Variants in ACOT11 observed in about 807,000 individuals in gnomAD.
ACOT11 encodes the protein acyl-coenzyme A thioesterase 11.
Under a neutral mutation model 77.5 loss-of-function variants are expected in ACOT11, and 69 were observed. The ratio of observed to expected loss-of-function variants is 0.89; its 90% confidence interval spans 0.73 to 1.09. ACOT11 has a LOEUF of 1.09. ACOT11 is among the 50% of genes least tolerant of loss of function. The probability of loss-of-function intolerance (pLI) is 0.00; values close to 1 mark genes in which losing one functional copy is unlikely to be tolerated. For synonymous variants in ACOT11, 279 were observed against 313.0 expected (o/e 0.89, Z 1.15); for missense variants, 766 against 813.7 (o/e 0.94, Z 0.71).
In ACOT11 at chr1:54,584,741, A is replaced by T. The variant is rs763124389; in HGVS notation, c.120A>T (p.Gly40=). 6.2e-7 allele frequency: 1 copy of T among 1,614,100 alleles called. No homozygotes were observed. Among genetic ancestry groups the T allele is most frequent in the Admixed American group, 1.7e-5 (1 of 60,014 alleles). ...GNDSAMADGE[G]YRNPTEVQMS... ...ACAGTGCCATGGCAGACGGCGAGGGATACCGGAACCCCACGGAGGTGCAGA... is the reference window on the plus strand; with the variant it reads ...ACAGTGCCATGGCAGACGGCGAGGGTTACCGGAACCCCACGGAGGTGCAGA... The change falls in exon 2 of 16, where the codon GGA becomes GGT. Residue 40 remains glycine, a synonymous_variant. Transcript: ENST00000343744. The surrounding 1 kb of genome is among the most constrained non-coding windows in gnomAD (Gnocchi z 6.3).
chr1:54,615,852 C>T (rs756937449), intron 15 of ACOT11, among the ~76,000 whole-genome samples: 4 of 152,204 alleles, frequency 2.6e-5, no homozygotes, highest in Admixed American at 1.3e-4. Flanking sequence ...CTCCCCATCT[C>T]GCCTAGTCCT....
At position 54,603,941 on chromosome 1, in the gene ACOT11, A is replaced by T. The variant is rs369551136; in HGVS notation, c.1152+4A>T. On this transcript the variant is annotated splice_donor_region_variant and intron_variant, in intron 11 of 15. Coordinates refer to ENST00000343744, the MANE Select transcript of ACOT11 (RefSeq NM_147161.4). Reference sequence around the variant, plus strand: ...CCCCTGGGACCCTAGCAACCAGGTAAGGCTCTCTGCTCCGAGAGGACAGTC... The same window carrying T: ...CCCCTGGGACCCTAGCAACCAGGTATGGCTCTCTGCTCCGAGAGGACAGTC... The T allele has an allele frequency of 1.2e-6, 2 of 1,613,716 alleles. No individual in the cohort carries two copies. The highest frequency in any genetic ancestry group is 2.7e-5 in the African/African-American group (2 of 74,904).
intron 1 of ACOT11, among the ~76,000 whole-genome samples, chr1:54,561,722 G>A (rs1653496623): frequency 2.4e-5 from 3 of 122,792 alleles, no homozygotes; most frequent in Admixed American, 7.3e-5. Context: ...GCGGCTGGCC[G>A]GGCAGGGGGG....
intron 10 of ACOT11, among the ~76,000 whole-genome samples, chr1:54,602,941 A>G (rs990856728): frequency 3.3e-5 from 5 of 152,226 alleles, no homozygotes; most frequent in Admixed American, 1.3e-4. Context: ...TTGCCCAGGG[A>G]CACACAAATA....
chr1:54,554,347 A>ATTTT (rs1298114647), intron 1 of ACOT11, among the ~76,000 whole-genome samples: 4 of 98,412 alleles, frequency 4.1e-5, no homozygotes, highest in Non-Finnish European at 6.6e-5. Context: ...ATATATATAT[A>ATTTT]TATATTTTTT....
intron 1 of ACOT11, among the ~76,000 whole-genome samples, chr1:54,581,443 C>G (rs1472234599): frequency 2.0e-5 from 3 of 152,184 alleles, no homozygotes; most frequent in Non-Finnish European, 4.4e-5. Context: ...GCTTTTCCCT[C>G]TGTGCCTTAG....
chr1:54,568,670 G>A (rs968216400), intron 1 of ACOT11, among the ~76,000 whole-genome samples: 5 of 152,086 alleles, frequency 3.3e-5, no homozygotes, highest in African/African-American at 9.7e-5. Context: ...CTGGCCCCCA[G>A]CACCTTTATC....
At chr1:54,593,203 T>C (rs572265949) in intron 4 of ACOT11, among the ~76,000 whole-genome samples, 1 of 152,308 alleles carries the variant, frequency 6.6e-6, no homozygotes, top group Admixed American at 6.5e-5. Flanking sequence ...CTGGGTGACA[T>C]AGCCCTGACT....
intron 1 of ACOT11, among the ~76,000 whole-genome samples, chr1:54,560,931 C>T (rs1653452871): frequency 2.6e-5 from 4 of 152,060 alleles, no homozygotes; most frequent in Admixed American, 6.6e-5. Context: ...CCATGTTGGC[C>T]AGGCTGGTCT....
exon 17 of ACOT11, chr1:54,636,909 GC>G (rs1221687250): frequency 6.3e-6 from 1 of 158,946 alleles, no homozygotes; most frequent in Non-Finnish European, 1.4e-5. Flanking sequence ...ATCTTGCACA[GC>G]CCTTAATCCA....
Position 54,586,438 on chromosome 1 carries a change from T to C in ACOT11, c.311+534T>C, listed in dbSNP as rs368044596. Among the ~76,000 whole-genome samples the C allele has an allele frequency of 8.5e-3, 1,270 of 149,378 alleles. 16 individuals are homozygous for C. The highest frequency in any genetic ancestry group is 0.03 in the African/African-American group (1,203 of 39,798). On this transcript the variant is annotated intron_variant, in intron 3 of 15. Transcript: ENST00000343744. ...ACTAAAGTAGACTTTTTTTTTTTTT[T>C]CTTTTTTTTTGGAGATGGAGTCTCC...
intron 1 of ACOT11, among the ~76,000 whole-genome samples, chr1:54,569,183 A>G (rs1390079115): frequency 2.0e-5 from 3 of 151,782 alleles, no homozygotes; most frequent in Non-Finnish European, 4.4e-5. Context: ...GTTGGTCTCA[A>G]ACGCCTGGCT....
exon 17 of ACOT11, chr1:54,638,908 A>T (rs1448694490): frequency 1.3e-5 from 2 of 152,160 alleles, no homozygotes; most frequent in Non-Finnish European, 2.9e-5. Flanking sequence ...AGATGTATAC[A>T]GTCTGGATGC....
chr1:54,619,752 A>C, intron 15 of ACOT11: 1 of 1,125,666 alleles, frequency 8.9e-7, no homozygotes, highest in South Asian at 1.4e-5. Context: ...GCTGAAAGAC[A>C]TGTAAACAGC....
Position 54,584,619 on chromosome 1 carries a change from C to T in ACOT11, c.34-36C>T. 6.3e-7 allele frequency: 1 copy of T among 1,594,200 alleles called. No homozygotes were observed. The highest frequency in any genetic ancestry group is 1.1e-5 in the South Asian group (1 of 89,330). The stretch of plus-strand genomic sequence containing the variant: ...CCTGGGAGACCCTGCAGCAAGCAGA[C>T]CTCTCTGTCCCCACCTGTCCCCACC... On this transcript the variant is annotated intron_variant, in intron 1 of 15. Transcript: ENST00000343744. The surrounding 1 kb of genome is among the most constrained non-coding windows in gnomAD (Gnocchi z 6.3).
chr1:54,577,474 TTA>T (rs1654155034), intron 1 of ACOT11, among the ~76,000 whole-genome samples: 1 of 152,208 alleles, frequency 6.6e-6, no homozygotes, highest in African/African-American at 2.4e-5. Context: ...TCATTTATGT[TTA>T]TGTCTGAATA....
chr1:54,597,655 G>A (rs1643905181), intron 7 of ACOT11: 2 of 561,500 alleles, frequency 3.6e-6, no homozygotes, highest in South Asian at 2.2e-5. Context: ...TCCTCCCCTT[G>A]ATCTGGCCCT....
chr1:54,624,105 A>AG (rs1224847962), intron 15 of ACOT11, among the ~76,000 whole-genome samples: 8 of 152,130 alleles, frequency 5.3e-5, no homozygotes, highest in African/African-American at 1.9e-4. Flanking sequence ...CTTCATGCAG[A>AG]GGGAGTTCTG....
Position 54,584,897 on chromosome 1 carries a change from C to T in ACOT11, c.241+35C>T. On this transcript the variant is annotated intron_variant, in intron 2 of 15. Transcript: ENST00000343744. This position sits in a 1 kb window ranked among gnomAD's most constrained non-coding sequence, Gnocchi z 6.3. Reference sequence around the variant, plus strand: ...CGCTCCCCATGGTTCCCTACCTGCCCCACAGGCCCAGAGCAGGGGCCGTGC... The same window carrying T: ...CGCTCCCCATGGTTCCCTACCTGCCTCACAGGCCCAGAGCAGGGGCCGTGC... 6 of 1,583,706 alleles carry T rather than the reference C, an allele frequency of 3.8e-6. No homozygotes were observed. Among genetic ancestry groups the T allele is most frequent in the Non-Finnish European group, 5.2e-6 (6 of 1,163,564 alleles).
Sources: gnomAD v4.1 joint callset for allele counts (sites outside exome capture counted in the v4.1 genomes callset) on GRCh38, gnomAD v4.1.1 for gene constraint, Gnocchi (gnomAD v3.1) non-coding constraint, MANE v1.5 for transcripts, NCBI Gene and HGNC (gene_info 2026-07-23, HGNC 2026-07-21) for gene names.